Variants in UCK2 observed in about 807,000 individuals in gnomAD.
UCK2 encodes the protein uridine-cytidine kinase 2, also known as cytidine monophosphokinase 2.
A neutral mutation model predicts 30.8 loss-of-function variants in UCK2; 6 were observed. The observed-to-expected ratio is 0.19, with a 90% confidence interval of 0.11 to 0.38. The LOEUF is 0.38. Among genes scored for constraint, UCK2 ranks in the 10% least tolerant of loss-of-function variants. The probability of loss-of-function intolerance (pLI) is 1.00; values close to 1 mark genes in which losing one functional copy is unlikely to be tolerated. For synonymous variants in UCK2, 125 were observed against 133.6 expected, an observed-to-expected ratio of 0.94 and a Z score of 0.45; for missense variants, 210 against 339.8, an observed-to-expected ratio of 0.62 and a Z score of 3.00.
chr1:165,835,061 T>A (rs1253526967), intron 1 of UCK2, among the ~76,000 whole-genome samples: 3 of 152,174 alleles, frequency 2.0e-5, no homozygotes, highest in Admixed American at 2.0e-4. Context: ...TCAGCTAGCA[T>A]GCTCTGCTTT....
chr1:165,861,637 AAAAAAAAAAAAAC>A (rs1654904253), intron 1 of UCK2, among the ~76,000 whole-genome samples: 2 of 135,814 alleles, frequency 1.5e-5, no homozygotes, highest in African/African-American at 2.8e-5. Context: ...CAAAAAAAAA[AAAAAAAAAAAAAC>A]AAAAAAAAAC....
In UCK2 at chr1:165,905,443, C is replaced by T. The variant is rs886070461; in HGVS notation, c.598-478C>T. ...AGGCTGCAGTGAGCTGTGATGATGC[C>T]GCTGCACTCCAGCCTGGGTGACAGA... On this transcript the variant is annotated intron_variant, in intron 5 of 6. Coordinates refer to ENST00000367879, the MANE Select transcript of UCK2 (RefSeq NM_012474.5). Among the ~76,000 whole-genome samples, 11 of 151,736 alleles carry T rather than the reference C, an allele frequency of 7.2e-5. No individual in the cohort carries two copies. The East Asian group carries it at 9.7e-4, about 13-fold the overall frequency.
chr1:165,875,038 CA>C (rs57582300), intron 1 of UCK2, among the ~76,000 whole-genome samples: 53,325 of 111,182 alleles, frequency 0.48, 9,417 homozygotes, highest in Middle Eastern at 0.51. Flanking sequence ...ACTGAGTTAC[CA>C]AAAAAAAAAA....
At chr1:165,864,367 G>T (rs540430190) in intron 1 of UCK2, among the ~76,000 whole-genome samples, 9 of 151,814 alleles carry the variant, frequency 5.9e-5, no homozygotes, top group African/African-American at 1.9e-4. Flanking sequence ...AGTGAGAACA[G>T]TTTTTTTTTA....
chr1:165,892,845 C>T (rs1282733126), intron 3 of UCK2: 3 of 152,436 alleles, frequency 2.0e-5, no homozygotes, highest in Admixed American at 2.0e-4. Flanking sequence ...AAGGGATTTC[C>T]AAGGTGCTGG....
chr1:165,896,713 G>T (rs1050895669), intron 4 of UCK2, among the ~76,000 whole-genome samples: 1 of 152,226 alleles, frequency 6.6e-6, no homozygotes, highest in Non-Finnish European at 1.5e-5. Flanking sequence ...TAGGACCCCC[G>T]AGGATAGGAT....
intron 1 of UCK2, among the ~76,000 whole-genome samples, chr1:165,842,554 C>G (rs1460241904): frequency 6.6e-6 from 1 of 152,208 alleles, no homozygotes; most frequent in Non-Finnish European, 1.5e-5. Context: ...TCCATCCTGT[C>G]TCCTGGTGCA....
chr1:165,834,325 A>G (rs1654128974), intron 1 of UCK2, among the ~76,000 whole-genome samples: 1 of 152,176 alleles, frequency 6.6e-6, no homozygotes, highest in Non-Finnish European at 1.5e-5. Flanking sequence ...AAAACGAGCT[A>G]GAAAATTTTC....
intron 1 of UCK2, among the ~76,000 whole-genome samples, chr1:165,860,020 AG>A (rs1250734902): frequency 6.6e-6 from 1 of 152,196 alleles, no homozygotes; most frequent in Non-Finnish European, 1.5e-5. Context: ...TGTTTGCGTC[AG>A]GGCTCACAGC....
intron 1 of UCK2, among the ~76,000 whole-genome samples, 188 bp from the exon 2 acceptor site, chr1:165,890,016 G>A (rs1473604808): frequency 6.6e-6 from 1 of 152,058 alleles, no homozygotes; most frequent in Admixed American, 6.6e-5. Context: ...CACATGAGAC[G>A]TGATCTTATT....
chr1:165,902,365 C>T (rs1172110719), intron 4 of UCK2, among the ~76,000 whole-genome samples: 1 of 151,456 alleles, frequency 6.6e-6, no homozygotes, highest in African/African-American at 2.4e-5. Flanking sequence ...TGAGCTATGA[C>T]TGTGCTACTG....
At chr1:165,886,800 C>T (rs1655626285) in intron 1 of UCK2, among the ~76,000 whole-genome samples, 1 of 152,072 alleles carries the variant, frequency 6.6e-6, no homozygotes, top group African/African-American at 2.4e-5. Context: ...TCTTCCCTAC[C>T]AGGTAAAAAT....
intron 1 of UCK2, 29 bp downstream of exon 1, chr1:165,827,961 T>G (rs1653932109): frequency 7.7e-7 from 1 of 1,296,472 alleles, no homozygotes; most frequent in African/African-American, 1.5e-5. Context: ...CCGCGCTCCC[T>G]TCCCGGCTTC....
At chr1:165,907,113 G>A (rs1647690449) in intron 6 of UCK2, among the ~76,000 whole-genome samples, 1 of 152,160 alleles carries the variant, frequency 6.6e-6, no homozygotes, top group African/African-American at 2.4e-5. Flanking sequence ...GAGAGATGTG[G>A]CGTGGTCCTC....
At chr1:165,865,567 C>T (rs930330930) in intron 1 of UCK2, among the ~76,000 whole-genome samples, 3 of 151,850 alleles carry the variant, frequency 2.0e-5, no homozygotes, top group Non-Finnish European at 2.9e-5. Context: ...TTTTAATGTA[C>T]GAAGATAGAC....
chr1:165,905,010 A>C (rs1647603241), intron 5 of UCK2, among the ~76,000 whole-genome samples: 1 of 152,262 alleles, frequency 6.6e-6, no homozygotes, highest in South Asian at 2.1e-4. Flanking sequence ...ACCCTGTGCT[A>C]GGAGTGAACA....
intron 3 of UCK2, chr1:165,895,947 G>T: frequency 2.4e-6 from 1 of 413,418 alleles, no homozygotes; most frequent in Non-Finnish European, 4.3e-6. Context: ...GTGTATTTCT[G>T]TTTCATGGTG....
intron 1 of UCK2, among the ~76,000 whole-genome samples, chr1:165,889,064 G>T (rs1485644712): frequency 1.3e-5 from 2 of 152,092 alleles, no homozygotes; most frequent in African/African-American, 4.8e-5. Context: ...AACACACAAA[G>T]CATGTAGGTT....
intron 1 of UCK2, among the ~76,000 whole-genome samples, chr1:165,879,793 G>A (rs1157187735): frequency 6.6e-6 from 1 of 152,030 alleles, no homozygotes; most frequent in Non-Finnish European, 1.5e-5. Flanking sequence ...GCCAATAGAG[G>A]ACTTGAACCC....
Sources: gnomAD v4.1 joint callset for allele counts (sites outside exome capture counted in the v4.1 genomes callset) on GRCh38, gnomAD v4.1.1 for gene constraint, MANE v1.5 for transcripts, NCBI Gene and HGNC (gene_info 2026-07-23, HGNC 2026-07-21) for gene names.